Variants in PRKCB observed in about 807,000 individuals in gnomAD.
PRKCB encodes the protein protein kinase C beta type.
In PRKCB, 13 loss-of-function variants were observed where a neutral mutation model predicts 81.5. That is an observed-to-expected ratio of 0.16 (90% CI 0.10 to 0.25). PRKCB has a LOEUF of 0.25. Among genes scored for constraint, PRKCB ranks in the 10% least tolerant of loss-of-function variants. The probability of loss-of-function intolerance (pLI) is 1.00; values close to 1 mark genes in which losing one functional copy is unlikely to be tolerated. For missense variants in PRKCB, 509 were observed against 875.7 expected, an observed-to-expected ratio of 0.58 and a Z score of 5.29; for synonymous variants, 335 against 321.4, an observed-to-expected ratio of 1.04 and a Z score of -0.45.
intron 10 of PRKCB, among the ~76,000 whole-genome samples, chr16:24,156,398 C>T (rs1967157452): frequency 6.6e-6 from 1 of 152,088 alleles, no homozygotes; most frequent in African/African-American, 2.4e-5. Flanking sequence ...CCTCAACCTC[C>T]CTAGTAGCTA....
intron 2 of PRKCB, among the ~76,000 whole-genome samples, chr16:23,984,410 C>T (rs1964775474): frequency 6.6e-6 from 1 of 152,152 alleles, no homozygotes; most frequent in African/African-American, 2.4e-5. Context: ...GATCATCAGA[C>T]TCCAGAATTC....
intron 2 of PRKCB, among the ~76,000 whole-genome samples, chr16:23,982,882 C>T (rs1475507193): frequency 6.6e-6 from 1 of 152,144 alleles, no homozygotes; most frequent in Non-Finnish European, 1.5e-5. Context: ...CAGACATTTT[C>T]ATTGCTCACC....
At chr16:24,112,338 G>A (rs570828413) in intron 7 of PRKCB, among the ~76,000 whole-genome samples, 2 of 152,278 alleles carry the variant, frequency 1.3e-5, no homozygotes, top group African/African-American at 4.8e-5. Flanking sequence ...AGACTAGTCT[G>A]AGAAACATAG....
chr16:23,864,475 A>G (rs1438135155), intron 2 of PRKCB, among the ~76,000 whole-genome samples: 2 of 152,238 alleles, frequency 1.3e-5, no homozygotes, highest in African/African-American at 4.8e-5. Flanking sequence ...ATACAGCAAT[A>G]GGCAAGATAG....
At chr16:24,008,988 A>G (rs550726104) in intron 3 of PRKCB, among the ~76,000 whole-genome samples, 98 of 152,218 alleles carry the variant, frequency 6.4e-4, no homozygotes, top group Non-Finnish European at 1.2e-3. Flanking sequence ...ATTTACCATA[A>G]TGTCCTCAGG....
intron 8 of PRKCB, among the ~76,000 whole-genome samples, chr16:24,122,270 G>A (rs1596557534): frequency 6.6e-6 from 1 of 152,158 alleles, no homozygotes; most frequent in South Asian, 2.1e-4. Flanking sequence ...AGAGCAGCAA[G>A]GAGGCCAGTG....
intron 2 of PRKCB, among the ~76,000 whole-genome samples, chr16:23,840,682 A>G (rs778759408): frequency 4.9e-4 from 75 of 152,204 alleles, no homozygotes; most frequent in Non-Finnish European, 8.2e-4. Flanking sequence ...CGCAAGGCAA[A>G]GAAACCATTG....
At chr16:24,003,448 G>A (rs986004581) in intron 3 of PRKCB, among the ~76,000 whole-genome samples, 5 of 149,934 alleles carry the variant, frequency 3.3e-5, no homozygotes, top group African/African-American at 7.4e-5. Flanking sequence ...GCAGTGGTAC[G>A]ATCTCAGCTC....
rs181541953 is a variant in PRKCB at position 24,078,732 on chromosome 16, C to T, written c.530-14059C>T. The stretch of plus-strand genomic sequence containing the variant: ...GTGAGAGCTCAAAGGTGGACTAACC[C>T]AGATCTTCCCTGTCGAGGGAAATGG... On this transcript the variant is annotated intron_variant, in intron 5 of 16. Transcript: ENST00000643927. Among the ~76,000 whole-genome samples the T allele has an allele frequency of 2.9e-3, 438 of 152,266 alleles. 3 individuals are homozygous for T. Among genetic ancestry groups the T allele is most frequent in the African/African-American group, 9.4e-3 (390 of 41,552 alleles).
At chr16:23,992,818 A>G (rs1301750950) in intron 3 of PRKCB, among the ~76,000 whole-genome samples, 1 of 152,204 alleles carries the variant, frequency 6.6e-6, no homozygotes, top group African/African-American at 2.4e-5. Context: ...ATCAGAAAAG[A>G]ATGGGATCCC....
At chr16:23,868,417 A>C (rs1962843811) in intron 2 of PRKCB, among the ~76,000 whole-genome samples, 1 of 152,228 alleles carries the variant, frequency 6.6e-6, no homozygotes, top group Non-Finnish European at 1.5e-5. Flanking sequence ...CATTAGTAAG[A>C]ATTTCTATTT....
At chr16:24,005,538 T>C (rs1486609201) in intron 3 of PRKCB, among the ~76,000 whole-genome samples, 2 of 152,236 alleles carry the variant, frequency 1.3e-5, no homozygotes, top group African/African-American at 2.4e-5. Context: ...GGGAGTCACT[T>C]ACAGTTCCTT....
chr16:24,200,067 T>C (rs1255532756), intron 16 of PRKCB, among the ~76,000 whole-genome samples: 4 of 152,222 alleles, frequency 2.6e-5, no homozygotes, highest in Non-Finnish European at 4.4e-5. Flanking sequence ...TTATAATTCG[T>C]TGTCAGGATT....
intron 16 of PRKCB, among the ~76,000 whole-genome samples, chr16:24,197,580 G>A (rs559687441): frequency 7.2e-5 from 11 of 152,328 alleles, no homozygotes; most frequent in African/African-American, 2.2e-4. Flanking sequence ...CAACTCATGA[G>A]CCAAGAAATA....
At chr16:24,013,450 T>C (rs1383961562) in intron 3 of PRKCB, among the ~76,000 whole-genome samples, 2 of 152,208 alleles carry the variant, frequency 1.3e-5, no homozygotes, top group Non-Finnish European at 2.9e-5. Flanking sequence ...TTAACTTCTC[T>C]GTGTCTCAGT....
chr16:23,958,391 G>A (rs561349813), intron 2 of PRKCB, among the ~76,000 whole-genome samples: 3 of 151,902 alleles, frequency 2.0e-5, no homozygotes, highest in African/African-American at 7.3e-5. Flanking sequence ...TGCAATGTCT[G>A]CCTCCTGGGT....
intron 12 of PRKCB, 97 bp downstream of exon 12, chr16:24,174,677 G>T: frequency 1.7e-6 from 2 of 1,185,944 alleles, no homozygotes; most frequent in South Asian, 2.7e-5. Flanking sequence ...AGAATCCGCG[G>T]TGGGGGAGGA....
intron 2 of PRKCB, among the ~76,000 whole-genome samples, chr16:23,882,017 TCTTTCTTCCTTC>T (rs1351903491): frequency 0.022 from 342 of 15,582 alleles, 2 homozygotes; most frequent in South Asian, 0.14. Flanking sequence ...TTTCTTTCTT[TCTTTCTTCCTTC>T]CTTCCTTCCT....
chr16:23,913,198 T>G (rs1308240589), intron 2 of PRKCB, among the ~76,000 whole-genome samples: 6 of 151,920 alleles, frequency 3.9e-5, no homozygotes, highest in Admixed American at 2.0e-4. Context: ...GGAAAGCAGG[T>G]GTACCGAGAG....
Sources: allele counts gnomAD v4.1 joint callset (sites outside exome capture counted in the v4.1 genomes callset), GRCh38; gene constraint gnomAD v4.1.1; transcripts MANE v1.5; gene names NCBI Gene and HGNC (gene_info 2026-07-23, HGNC 2026-07-21).